DIP2B: variants seen among roughly 807,000 people sequenced by gnomAD.
DIP2B encodes the protein disco-interacting protein 2 homolog B.
Under a neutral mutation model 198.0 loss-of-function variants are expected in DIP2B, and 76 were observed. That is an observed-to-expected ratio of 0.38 (90% CI 0.32 to 0.46). DIP2B has a LOEUF of 0.46. Among genes scored for constraint, DIP2B ranks in the 20% least tolerant of loss-of-function variants. DIP2B has a pLI of 0.99. For synonymous variants in DIP2B, 701 were observed against 739.1 expected (o/e 0.95, Z 0.84); for missense variants, 1,559 against 1,978.4 (o/e 0.79, Z 4.02).
At chr12:50,563,587 C>CT (rs1958538703) in intron 1 of DIP2B, among the ~76,000 whole-genome samples, 1 of 149,156 alleles carries the variant, frequency 6.7e-6, no homozygotes, top group African/African-American at 2.5e-5. Context: ...AACTCCTGGG[C>CT]TTAAGTGATC....
chr12:50,713,489 G>A (rs1939656628), intron 22 of DIP2B, among the ~76,000 whole-genome samples: 1 of 152,160 alleles, frequency 6.6e-6, no homozygotes, highest in Non-Finnish European at 1.5e-5. Flanking sequence ...AACAGTGTAG[G>A]AACACAGCTG....
intron 19 of DIP2B, among the ~76,000 whole-genome samples, chr12:50,699,824 C>T (rs1017853073): frequency 1.3e-4 from 20 of 150,958 alleles, no homozygotes; most frequent in Admixed American, 6.6e-5. Context: ...GATCATGCCA[C>T]TGCATTCCAG....
chr12:50,509,708 T>C (rs536504094), intron 1 of DIP2B, among the ~76,000 whole-genome samples: 2 of 152,266 alleles, frequency 1.3e-5, no homozygotes, highest in South Asian at 4.2e-4. Context: ...GATAAAGATT[T>C]TACAGTCTCA....
In DIP2B at chr12:50,732,389, C is replaced by T. The variant is rs955364149; in HGVS notation, c.3834C>T (p.Cys1278=). Residue 1278 remains cysteine (C), a synonymous_variant, in exon 32 of 38, where the codon TGC becomes TGT. Transcript: ENST00000301180. The stretch of plus-strand genomic sequence containing the variant: ...AGACCAGAGGGATCAACCTCTCCTG[C>T]GTCCGGACCTGTGTGGTGGTGGCGG... ...VLKTRGINLS[C]VRTCVVVAEE... 20 of 1,614,098 alleles carry T rather than the reference C, an allele frequency of 1.2e-5. No homozygotes were observed. Among genetic ancestry groups the T allele is most frequent in the South Asian group, 2.2e-5 (2 of 91,092 alleles).
chr12:50,633,648 C>T (rs1186538868), intron 2 of DIP2B, among the ~76,000 whole-genome samples: 1 of 152,074 alleles, frequency 6.6e-6, no homozygotes, highest in African/African-American at 2.4e-5. Context: ...CACCTGTGGT[C>T]CCAGCTACTC....
intron 9 of DIP2B, 21 bp from the exon 10 acceptor site, chr12:50,683,117 G>A (rs760577937): frequency 1.9e-6 from 3 of 1,580,044 alleles, no homozygotes; most frequent in Non-Finnish European, 2.6e-6. Flanking sequence ...CTGTTAAACT[G>A]AATATCATTA....
chr12:50,512,665 T>G (rs997847049), intron 1 of DIP2B, among the ~76,000 whole-genome samples: 4 of 152,136 alleles, frequency 2.6e-5, no homozygotes, highest in African/African-American at 9.7e-5. Context: ...CTCTGTGACT[T>G]TGGACAAACT....
chr12:50,729,255 A>T (rs984837799), intron 30 of DIP2B, among the ~76,000 whole-genome samples: 1 of 152,148 alleles, frequency 6.6e-6, no homozygotes, highest in Non-Finnish European at 1.5e-5. Flanking sequence ...CTTTGTTAGG[A>T]TAGGATCATC....
intron 1 of DIP2B, among the ~76,000 whole-genome samples, chr12:50,602,855 C>A: frequency 1.5e-5 from 1 of 67,768 alleles, no homozygotes. Flanking sequence ...GAGACTCTGT[C>A]TCAAAAAAAA....
chr12:50,607,570 A>G (rs1958994362), intron 1 of DIP2B, among the ~76,000 whole-genome samples: 1 of 152,168 alleles, frequency 6.6e-6, no homozygotes, highest in Non-Finnish European at 1.5e-5. Flanking sequence ...TCTATCAGCT[A>G]TATATTCAGT....
intron 36 of DIP2B, among the ~76,000 whole-genome samples, chr12:50,739,810 G>A (rs1448769544): frequency 6.6e-6 from 1 of 152,234 alleles, no homozygotes; most frequent in African/African-American, 2.4e-5. Flanking sequence ...CCCGAGCTGT[G>A]AGTCAGAGAG....
chr12:50,569,866 A>C (rs1958598103), intron 1 of DIP2B, among the ~76,000 whole-genome samples: 1 of 152,236 alleles, frequency 6.6e-6, no homozygotes, highest in South Asian at 2.1e-4. Flanking sequence ...CTTTTAAAAT[A>C]TTTTAGTTTT....
chr12:50,580,827 A>T (rs1296968770), intron 1 of DIP2B, among the ~76,000 whole-genome samples: 1 of 148,400 alleles, frequency 6.7e-6, no homozygotes, highest in Non-Finnish European at 1.5e-5. Context: ...ACTTTCACAC[A>T]CTTTATGTTC....
chr12:50,571,609 A>G (rs1472150538), intron 1 of DIP2B, among the ~76,000 whole-genome samples: 1 of 128,768 alleles, frequency 7.8e-6, no homozygotes, highest in African/African-American at 3.1e-5. Flanking sequence ...CTGGAGTGCA[A>G]TGGCGTGATC....
chr12:50,576,465 G>A (rs551865072), intron 1 of DIP2B, among the ~76,000 whole-genome samples: 4 of 151,418 alleles, frequency 2.6e-5, no homozygotes, highest in African/African-American at 9.7e-5. Flanking sequence ...CATATTTACG[G>A]TCTGACCGCC....
rs1345614640 is a variant in DIP2B at position 50,739,450 on chromosome 12, C to T, written c.4218C>T (p.Thr1406=). 1 of 1,614,082 alleles carries T rather than the reference C, an allele frequency of 6.2e-7. No homozygotes were observed. Among genetic ancestry groups the T allele is most frequent in the Admixed American group, 1.7e-5 (1 of 60,026 alleles). The change falls in exon 36 of 38, where the codon ACC becomes ACT. Residue 1406 remains threonine (T), a synonymous_variant. Transcript: ENST00000301180. ...CCCATACAGCCAGCGGCTACTACAC[C>T]ATCTATGATAGCGAGACTCTTCAAG... ...NSPHTASGYY[T]IYDSETLQAD...
intron 3 of DIP2B, among the ~76,000 whole-genome samples, chr12:50,648,031 A>C (rs1376554299): frequency 6.6e-6 from 1 of 152,108 alleles, no homozygotes; most frequent in Non-Finnish European, 1.5e-5. Context: ...GCTTGAACCC[A>C]GGAGGCGGAG....
At chr12:50,596,967 C>T (rs1217662330) in intron 1 of DIP2B, among the ~76,000 whole-genome samples, 3 of 151,984 alleles carry the variant, frequency 2.0e-5, no homozygotes, top group Non-Finnish European at 4.4e-5. Flanking sequence ...TAAATATTTC[C>T]ACTAACTTCT....
intron 1 of DIP2B, among the ~76,000 whole-genome samples, chr12:50,540,844 A>G (rs1958318592): frequency 6.6e-6 from 1 of 152,044 alleles, no homozygotes; most frequent in African/African-American, 2.4e-5. Context: ...GCCAGCTATG[A>G]ACATTTTTAT....
Sources: gnomAD v4.1 joint callset for allele counts (sites outside exome capture counted in the v4.1 genomes callset) on GRCh38, gnomAD v4.1.1 for gene constraint, MANE v1.5 for transcripts, NCBI Gene and HGNC (gene_info 2026-07-23, HGNC 2026-07-21) for gene names.